Variants in SEPTIN12 observed in about 807,000 individuals in gnomAD.
The protein encoded by SEPTIN12 is septin 12, also known as septin-12.
A neutral mutation model predicts 37.7 loss-of-function variants in SEPTIN12; 42 were observed. That is an observed-to-expected ratio of 1.11 (90% CI 0.87 to 1.44). The LOEUF (loss-of-function observed/expected upper bound fraction) is 1.44. Among genes scored for constraint, SEPTIN12 ranks in the 40% most tolerant of loss-of-function variants. SEPTIN12 has a pLI of 0.00. For synonymous variants in SEPTIN12, 254 were observed against 196.7 expected (o/e 1.29, Z -2.44); for missense variants, 613 against 479.2 (o/e 1.28, Z -2.61).
Position 4,786,123 on chromosome 16 carries a change from AT to A in SEPTIN12, c.167-19del. ...GCTTTGCCCTGGGAGTGGCAACCGGATGACAGCAGTTAGGGTGGGCGTTTTA... is the reference window on the plus strand; with the variant it reads ...GCTTTGCCCTGGGAGTGGCAACCGGAGACAGCAGTTAGGGTGGGCGTTTTA... On this transcript the variant is annotated intron_variant, in intron 2 of 9. Coordinates refer to ENST00000268231, the MANE Select transcript of SEPTIN12 (RefSeq NM_144605.5). 1.9e-6 allele frequency: 3 copies of A among 1,587,624 alleles called. No individual in the cohort carries two copies. Among genetic ancestry groups the A allele is most frequent in the Non-Finnish European group, 2.6e-6 (3 of 1,164,524 alleles).
intron 1 of SEPTIN12, chr16:4,787,980 G>C: frequency 3.8e-6 from 1 of 259,808 alleles, no homozygotes; most frequent in Non-Finnish European, 7.4e-6. Flanking sequence ...GCCAGGCAAA[G>C]TCCAGGATGG....
chr16:4,789,605 C>T (rs576118550), upstream of SEPTIN12, among the ~76,000 whole-genome samples: 3 of 152,258 alleles, frequency 2.0e-5, no homozygotes, highest in South Asian at 2.1e-4. Context: ...GGATTACAGG[C>T]GTTAGCCCCT....
chr16:4,778,251 C>G, intron 8 of SEPTIN12, 114 bp from the exon 9 acceptor site: 1 of 1,070,554 alleles, frequency 9.3e-7, no homozygotes, highest in Non-Finnish European at 1.4e-6. Flanking sequence ...TTCTCTTTAC[C>G]CTATCCTGCC....
intron 1 of SEPTIN12, 64 bp from the exon 2 acceptor site, chr16:4,787,731 C>G (rs1202691973): frequency 1.5e-6 from 1 of 672,158 alleles, no homozygotes; most frequent in Admixed American, 2.7e-5. Context: ...ATTGACCTCT[C>G]CTATCTGAAC....
At chr16:4,791,142 G>A (rs996341555), upstream of SEPTIN12, among the ~76,000 whole-genome samples, 1 of 152,230 alleles carries the variant, frequency 6.6e-6, no homozygotes, top group African/African-American at 2.4e-5. Context: ...TCCCATGTGA[G>A]CGATGGTCTA....
Position 4,785,792 on chromosome 16 carries a change from A to AAT in SEPTIN12, c.374+14_374+15insAT. On this transcript the variant is annotated intron_variant, in intron 4 of 9. Coordinates refer to ENST00000268231, the MANE Select transcript of SEPTIN12 (RefSeq NM_144605.5). ...AAACTCTGCCTAAAAAAAAAAAAAA[A>AAT]GAGAGAGAACCTACCAGTTGTCATT... 7 of 1,241,864 alleles carry AAT rather than the reference A, an allele frequency of 5.6e-6. No homozygotes were observed. Among genetic ancestry groups the AAT allele is most frequent in the Non-Finnish European group, 7.7e-6 (7 of 912,954 alleles). 76.9% of individuals were successfully genotyped at this position (1,241,864 alleles called of 1,614,324 possible).
At chr16:4,783,789 G>A in intron 5 of SEPTIN12, 23 bp from the exon 6 acceptor site, 1 of 1,609,304 alleles carries the variant, frequency 6.2e-7, no homozygotes, top group Admixed American at 1.7e-5. Flanking sequence ...GGGCAGTGAT[G>A]GGGGTGGCGG....
At position 4,783,949 on chromosome 16, in the gene SEPTIN12, A is replaced by G. The variant is rs371978633; in HGVS notation, c.494T>C (p.Val165Ala). 6 of 1,614,042 alleles carry G rather than the reference A, an allele frequency of 3.7e-6. No individual in the cohort carries two copies. In the African/African-American group the frequency reaches 5.3e-5, roughly 14 times the overall value. ...CCCTCACCAGTGCCCAGTGGGTGGT[A>G]CAAAGTACACGCAGCAGTGCACCCG... is the stretch of plus-strand genomic sequence containing the variant. ...DTRVHCCVYF[V>A]PPTGHCLRPL... The change falls in exon 5 of 10, where the codon GTA (valine) becomes GCA (alanine). Residue 165 changes from valine to alanine, a missense_variant. Physicochemically the swap from Val to Ala is moderately conservative, Grantham distance 64. Transcript: ENST00000268231.
At position 4,778,018 on chromosome 16, in the gene SEPTIN12, C is replaced by T. The variant is rs1227982901; in HGVS notation, c.876-20G>A. On this transcript the variant is annotated intron_variant, in intron 9 of 9. Coordinates refer to ENST00000268231, the MANE Select transcript of SEPTIN12 (RefSeq NM_144605.5). ...TGGGAGCTGGGGGACCGGAGACGGT[C>T]AGCCCCGATGGTGGTGTCCCCAGGG... The T allele has an allele frequency of 6.2e-7, 1 of 1,612,278 alleles. No individual in the cohort carries two copies. The highest frequency in any genetic ancestry group is 1.3e-5 in the African/African-American group (1 of 74,926).
chr16:4,782,222 T>C (rs2082380276), intron 7 of SEPTIN12, among the ~76,000 whole-genome samples: 1 of 152,126 alleles, frequency 6.6e-6, no homozygotes, highest in Non-Finnish European at 1.5e-5. Flanking sequence ...AGTGCTGGGA[T>C]TACAGGCATG....
At position 4,779,545 on chromosome 16, in the gene SEPTIN12, G is replaced by T; in HGVS notation, c.823+145C>A. On this transcript the variant is annotated intron_variant, in intron 8 of 9. Coordinates refer to ENST00000268231, the MANE Select transcript of SEPTIN12 (RefSeq NM_144605.5). ...TCCGGAAACTTGCCACAGCCTCCCA[G>T]CTGGAAAGAGGGACCATTCCCCAGG... 3 of 675,892 alleles carry T rather than the reference G, an allele frequency of 4.4e-6. No individual in the cohort carries two copies. The South Asian group carries it at 5.0e-5, about 11-fold the overall frequency. The allele number at this position is 675,892 out of a possible 1,614,324, so 41.9% of individuals were successfully genotyped here. A position where few individuals can be genotyped will look rare whatever the true frequency, so the allele number is the denominator to read the frequency against.
At chr16:4,786,446 C>T (rs1210651238) in intron 2 of SEPTIN12, among the ~76,000 whole-genome samples, 1 of 151,706 alleles carries the variant, frequency 6.6e-6, no homozygotes, top group Non-Finnish European at 1.5e-5. Context: ...GCTCCGCCTC[C>T]CAGATTCACG....
chr16:4,779,821 G>T, intron 7 of SEPTIN12, 35 bp from the exon 8 acceptor site: 1 of 1,423,142 alleles, frequency 7.0e-7, no homozygotes, highest in Non-Finnish European at 9.9e-7. Context: ...TGGGAGGATT[G>T]ACTTCGCTGG....
chr16:4,783,834 C>T (rs2082402286), intron 5 of SEPTIN12, 68 bp from the exon 6 acceptor site: 33 of 1,582,764 alleles, frequency 2.1e-5, no homozygotes, highest in South Asian at 4.4e-5. Flanking sequence ...CAGCAGGGCA[C>T]GGGGGTGGGG....
At chr16:4,790,685 G>C (rs886685765), upstream of SEPTIN12, among the ~76,000 whole-genome samples, 1 of 152,196 alleles carries the variant, frequency 6.6e-6, no homozygotes, top group Non-Finnish European at 1.5e-5. Context: ...CTACTTGGGA[G>C]GCTGAGGCAG....
At chr16:4,791,336 A>G (rs180752233), upstream of SEPTIN12, among the ~76,000 whole-genome samples, 11 of 152,350 alleles carry the variant, frequency 7.2e-5, no homozygotes, top group African/African-American at 2.4e-4. Flanking sequence ...ATGGTGGAAG[A>G]GGACAAAAGC....
intron 7 of SEPTIN12, among the ~76,000 whole-genome samples, chr16:4,781,076 T>G (rs1189303461): frequency 6.6e-6 from 1 of 151,632 alleles, no homozygotes; most frequent in Non-Finnish European, 1.5e-5. Context: ...CTGGCTGAAA[T>G]AGTGAAACCC....
intron 7 of SEPTIN12, among the ~76,000 whole-genome samples, chr16:4,782,841 G>A (rs748525295): frequency 6.6e-6 from 1 of 151,680 alleles, no homozygotes; most frequent in African/African-American, 2.4e-5. Context: ...CTGACCTCAG[G>A]TGATCCACCC....
At chr16:4,788,791 C>A (rs2082501654), upstream of SEPTIN12, 1 of 152,234 alleles carries the variant, frequency 6.6e-6, no homozygotes, top group Non-Finnish European at 1.5e-5. Flanking sequence ...GTTACTACCC[C>A]AAGCTGATAG....
Sources: allele counts gnomAD v4.1 joint callset (sites outside exome capture counted in the v4.1 genomes callset), GRCh38; gene constraint gnomAD v4.1.1; transcripts MANE v1.5; gene names NCBI Gene and HGNC (gene_info 2026-07-23, HGNC 2026-07-21).